Variants in GPR160 observed in about 807,000 individuals in gnomAD.
The protein encoded by GPR160 is G protein-coupled receptor 160.
In GPR160, 2 loss-of-function variants were observed where a neutral mutation model predicts 2.6. That is an observed-to-expected ratio of 0.77 (90% CI 0.32 to 2.44). The LOEUF (loss-of-function observed/expected upper bound fraction) is 2.44, where lower values mean the gene tolerates loss of function less well. Among genes scored for constraint, GPR160 ranks in the 30% most tolerant of loss-of-function variants. GPR160 has a pLI of 0.11. For missense variants in GPR160, 351 were observed against 383.6 expected (o/e 0.91, Z 0.71); for synonymous variants, 130 against 132.2 (o/e 0.98, Z 0.12).
rs767096004 is a variant in GPR160, at chr3:170,084,360, CTTTCA to C, written c.392_396del (p.Ser131Ter). 5.8e-5 allele frequency: 94 copies of C among 1,608,820 alleles called. No homozygotes were observed. In the Middle Eastern group the frequency reaches 6.6e-4, roughly 11 times the overall value. ...CCTGAATTTCTCTAAAACAACCAAGCTTTCATTTAAGTGTCAAAAATTATTTTATT... is the reference window on the plus strand; with the variant it reads ...CCTGAATTTCTCTAAAACAACCAAGCTTTAAGTGTCAAAAATTATTTTATT... On this transcript the variant is annotated frameshift_variant, in exon 4 of 4. Transcript: ENST00000355897. LOFTEE classifies it low-confidence loss of function (END_TRUNC).
chr3:170,079,291 T>C (rs184081295), intron 2 of GPR160, among the ~76,000 whole-genome samples: 3 of 152,314 alleles, frequency 2.0e-5, no homozygotes, highest in Admixed American at 6.5e-5. Context: ...AGACCCGGCA[T>C]AGATGAAAAT....
chr3:170,058,054 C>CGAT (rs2108323190), intron 2 of GPR160: 2 of 152,038 alleles, frequency 1.3e-5, no homozygotes, highest in Admixed American at 1.3e-4. Flanking sequence ...AGAATTCTTA[C>CGAT]GATGAATGAA....
intron 2 of GPR160, among the ~76,000 whole-genome samples, chr3:170,073,122 A>G (rs1712682657): frequency 6.6e-6 from 1 of 152,084 alleles, no homozygotes; most frequent in Non-Finnish European, 1.5e-5. Context: ...TGGGAGTTCA[A>G]GTTTACAGTG....
intron 2 of GPR160, among the ~76,000 whole-genome samples, chr3:170,054,577 T>C (rs1711536699): frequency 6.6e-6 from 1 of 152,212 alleles, no homozygotes; most frequent in Non-Finnish European, 1.5e-5. Context: ...TCAGAACTTT[T>C]TCATCCTGTG....
rs1716788137 is a variant in GPR160, at chr3:170,047,792, A to G, written c.-193+8749A>G. 2.0e-5 allele frequency among the ~76,000 whole-genome samples: 3 copies of G among 151,950 alleles called. No homozygotes were observed. In the South Asian group the frequency reaches 6.2e-4, roughly 31 times the overall value. On this transcript the variant is annotated intron_variant, in intron 2 of 3. Transcript: ENST00000355897. ...TGCTCAGCTATAAAAAGAACAAAAT[A>G]ATGTCTTTTGCAGCAACTTGGATGG...
intron 2 of GPR160, among the ~76,000 whole-genome samples, chr3:170,043,292 C>T (rs541896530): frequency 5.9e-5 from 9 of 152,292 alleles, no homozygotes; most frequent in African/African-American, 1.9e-4. Flanking sequence ...AGCAGTTCTC[C>T]TGCCTCAGCC....
At chr3:170,040,813 CTGTGT>C (rs1046262924) in intron 2 of GPR160, among the ~76,000 whole-genome samples, 2 of 152,168 alleles carry the variant, frequency 1.3e-5, no homozygotes, top group Non-Finnish European at 2.9e-5. Flanking sequence ...GAGAGCTTAG[CTGTGT>C]TGTGTTGCCT....
chr3:170,075,542 C>T (rs1712810125), intron 2 of GPR160, among the ~76,000 whole-genome samples: 1 of 152,218 alleles, frequency 6.6e-6, no homozygotes, highest in South Asian at 2.1e-4. Flanking sequence ...CTTTGCTTCA[C>T]ATGGTCACTC....
chr3:170,072,919 T>C (rs760527695), intron 2 of GPR160, among the ~76,000 whole-genome samples: 4 of 152,204 alleles, frequency 2.6e-5, no homozygotes, highest in African/African-American at 4.8e-5. Flanking sequence ...TGGTAGCTCA[T>C]GCTTGTAATT....
At chr3:170,047,581 CA>C (rs1326213006) in intron 2 of GPR160, among the ~76,000 whole-genome samples, 2 of 151,900 alleles carry the variant, frequency 1.3e-5, no homozygotes, top group Admixed American at 6.6e-5. Context: ...ATGACGATAT[CA>C]AAAAGACACC....
At chr3:170,039,238 A>G (rs2108303759) in intron 2 of GPR160, among the ~76,000 whole-genome samples, 195 bp downstream of exon 2, 1 of 152,326 alleles carries the variant, frequency 6.6e-6, no homozygotes, top group South Asian at 2.1e-4. Flanking sequence ...CACTTGTGAT[A>G]TCTCCAGAAT....
chr3:170,061,566 T>C (rs1711958136), intron 2 of GPR160, among the ~76,000 whole-genome samples: 1 of 152,226 alleles, frequency 6.6e-6, no homozygotes, highest in Non-Finnish European at 1.5e-5. Context: ...GATGGTATCA[T>C]AGTTATGAAA....
At chr3:170,058,534 T>C (rs961405481) in intron 2 of GPR160, among the ~76,000 whole-genome samples, 4 of 152,178 alleles carry the variant, frequency 2.6e-5, no homozygotes, top group Non-Finnish European at 5.9e-5. Context: ...TCATCAGCAA[T>C]AGAATTGAAA....
intron 2 of GPR160, among the ~76,000 whole-genome samples, chr3:170,044,899 T>C (rs539288754): frequency 6.6e-6 from 1 of 152,288 alleles, no homozygotes; most frequent in East Asian, 1.9e-4. Context: ...GGCACCCGCA[T>C]AGTCCAGCCT....
intron 2 of GPR160, among the ~76,000 whole-genome samples, chr3:170,065,954 G>A (rs1486865995): frequency 1.3e-5 from 2 of 151,334 alleles, no homozygotes; most frequent in African/African-American, 2.4e-5. Flanking sequence ...ATGGGGTCTC[G>A]CTATGTTGCC....
chr3:170,044,003 G>A (rs954768321), intron 2 of GPR160, among the ~76,000 whole-genome samples: 12 of 149,730 alleles, frequency 8.0e-5, no homozygotes, highest in Non-Finnish European at 1.2e-4. Context: ...ATCTTTCTAT[G>A]TATGTGTCTC....
At chr3:170,072,712 AGAGT>A (rs1458424177) in intron 2 of GPR160, among the ~76,000 whole-genome samples, 2 of 152,116 alleles carry the variant, frequency 1.3e-5, no homozygotes, top group Non-Finnish European at 2.9e-5. Context: ...TAAACAAATA[AGAGT>A]GAGGACTTAC....
chr3:170,062,668 CT>C, intron 2 of GPR160: 1 of 1,441,578 alleles, frequency 6.9e-7, no homozygotes, highest in Non-Finnish European at 9.6e-7. Context: ...CCAAGCAAGC[CT>C]TGAAATAGCC....
intron 2 of GPR160, among the ~76,000 whole-genome samples, chr3:170,040,582 C>G (rs116833375): frequency 0.01 from 1,548 of 152,220 alleles, 23 homozygotes; most frequent in African/African-American, 0.035. Context: ...TGATTGCCTC[C>G]GGTCGGGCGG....
Sources: allele counts gnomAD v4.1 joint callset (sites outside exome capture counted in the v4.1 genomes callset), GRCh38; gene constraint gnomAD v4.1.1; transcripts MANE v1.5; gene names NCBI Gene and HGNC (gene_info 2026-07-23, HGNC 2026-07-21).